The following PDE4D variants were observed in gnomAD, a reference collection of about 807,000 sequenced individuals.
PDE4D encodes 3',5'-cyclic-AMP phosphodiesterase 4D.
Under a neutral mutation model 87.4 loss-of-function variants are expected in PDE4D, and 24 were observed. The observed-to-expected ratio is 0.27, with a 90% CI of 0.20 to 0.39. The LOEUF is 0.39. PDE4D is among the 10% of genes least tolerant of loss of function. The probability of loss-of-function intolerance (pLI) is 1.00; values close to 1 mark genes in which losing one functional copy is unlikely to be tolerated. For missense variants in PDE4D, 714 were observed against 1,041.0 expected, an observed-to-expected ratio of 0.69 and a Z score of 4.32; for synonymous variants, 384 against 383.2, an observed-to-expected ratio of 1.00 and a Z score of -0.02.
intron 1 of PDE4D, among the ~76,000 whole-genome samples, chr5:60,283,256 C>G (rs1416069181): frequency 6.6e-6 from 1 of 152,046 alleles, no homozygotes. Flanking sequence ...TATTGCCCAT[C>G]TTTTGTCTTA....
chr5:59,550,739 C>T (rs1817982053), intron 1 of PDE4D, among the ~76,000 whole-genome samples: 3 of 150,394 alleles, frequency 2.0e-5, no homozygotes. Flanking sequence ...ACTCTGTCGC[C>T]CAGGCTGAAG....
At chr5:59,395,003 C>T (rs1019882734) in intron 1 of PDE4D, among the ~76,000 whole-genome samples, 8 of 152,132 alleles carry the variant, frequency 5.3e-5, no homozygotes, top group Non-Finnish European at 1.0e-4. Flanking sequence ...CACTCCCACC[C>T]GAATACTGCG....
At chr5:60,072,192 G>A (rs2044853099) in intron 2 of PDE4D, among the ~76,000 whole-genome samples, 2 of 152,016 alleles carry the variant, frequency 1.3e-5, no homozygotes, top group Admixed American at 1.3e-4. Flanking sequence ...GTTATTTTCT[G>A]ACTTTTTAAT....
intron 6 of PDE4D, among the ~76,000 whole-genome samples, chr5:59,011,624 G>A (rs918025880): frequency 4.6e-5 from 7 of 152,142 alleles, no homozygotes; most frequent in African/African-American, 1.7e-4. Flanking sequence ...AAAAATAAAT[G>A]AACAAAGCCT....
rs66814905 is a variant in PDE4D at position 60,092,050 on chromosome 5, C to CAAA, written c.42+93504_42+93506dup. Among the ~76,000 whole-genome samples the CAAA allele has an allele frequency of 4.5e-4, 25 of 55,996 alleles. 1 individual carries two copies. The highest frequency in any genetic ancestry group is 5.5e-4 in the Non-Finnish European group (17 of 31,006). 36.7% of individuals were successfully genotyped at this position (55,996 alleles called of 152,430 possible). ...TGGGCGACAGAGCGAAACTCCGTCTCAAAAAAAAAAAAAAAAAAAAAAAAA... is the reference window on the plus strand; with the variant it reads ...TGGGCGACAGAGCGAAACTCCGTCTCAAAAAAAAAAAAAAAAAAAAAAAAAAAA... On this transcript the variant is annotated intron_variant, in intron 2 of 16. Transcript: ENST00000502484.
chr5:60,520,790 A>G (rs1480958320), intron 1 of PDE4D, among the ~76,000 whole-genome samples: 1 of 152,170 alleles, frequency 6.6e-6, no homozygotes, highest in East Asian at 1.9e-4. Flanking sequence ...TCCCATCAGG[A>G]AAGTCTGGTT....
intron 1 of PDE4D, among the ~76,000 whole-genome samples, chr5:59,317,893 G>C (rs181479396): frequency 6.6e-6 from 1 of 152,114 alleles, no homozygotes; most frequent in South Asian, 2.1e-4. Context: ...CCTCTGTTAC[G>C]ATGGTTGACT....
At chr5:59,143,719 T>C (rs1376788642) in intron 5 of PDE4D, among the ~76,000 whole-genome samples, 1 of 152,212 alleles carries the variant, frequency 6.6e-6, no homozygotes, top group Non-Finnish European at 1.5e-5. Flanking sequence ...CTAAGAAAAT[T>C]AGTGTTCAGG....
chr5:59,366,424 A>T (rs914201318), intron 1 of PDE4D, among the ~76,000 whole-genome samples: 4 of 152,228 alleles, frequency 2.6e-5, no homozygotes, highest in Admixed American at 6.5e-5. Context: ...ATTATGAGTT[A>T]TCCAAATCAA....
chr5:59,202,588 C>T (rs531653595), intron 2 of PDE4D, among the ~76,000 whole-genome samples: 60 of 151,986 alleles, frequency 3.9e-4, no homozygotes, highest in South Asian at 2.9e-3. Context: ...ATTTTAACTC[C>T]GACAACTTCC....
chr5:60,098,885 T>G (rs1004808262), intron 2 of PDE4D, among the ~76,000 whole-genome samples: 1 of 151,986 alleles, frequency 6.6e-6, no homozygotes, highest in Non-Finnish European at 1.5e-5. Flanking sequence ...ACAACATGAG[T>G]ATGATGTTAG....
intron 2 of PDE4D, among the ~76,000 whole-genome samples, chr5:60,127,429 T>C (rs915623551): frequency 6.6e-6 from 1 of 152,048 alleles, no homozygotes; most frequent in African/African-American, 2.4e-5. Context: ...CAAGAGCAGA[T>C]GCCAGGAAAT....
chr5:59,104,958 C>T (rs1196009984), intron 5 of PDE4D, among the ~76,000 whole-genome samples: 1 of 152,194 alleles, frequency 6.6e-6, no homozygotes, highest in Non-Finnish European at 1.5e-5. Flanking sequence ...ATTTTGTACA[C>T]CCAAATTACA....
intron 5 of PDE4D, among the ~76,000 whole-genome samples, chr5:59,086,857 C>A (rs773338188): frequency 1.3e-5 from 2 of 152,118 alleles, no homozygotes; most frequent in Non-Finnish European, 2.9e-5. Flanking sequence ...TTCATCTGAA[C>A]TCCCTTAGTT....
chr5:59,802,318 T>C (rs1011994203), intron 1 of PDE4D, among the ~76,000 whole-genome samples: 1 of 152,108 alleles, frequency 6.6e-6, no homozygotes, highest in Admixed American at 6.6e-5. Flanking sequence ...AATACATACT[T>C]TGAAGCAGGA....
intron 1 of PDE4D, among the ~76,000 whole-genome samples, chr5:60,305,035 C>CTA (rs200652041): frequency 0.036 from 3,999 of 111,538 alleles, 155 homozygotes; most frequent in African/African-American, 0.12. Context: ...TAGTTTTGAG[C>CTA]TATACACACA....
intron 5 of PDE4D, among the ~76,000 whole-genome samples, chr5:59,155,745 A>G (rs1042690256): frequency 6.6e-6 from 1 of 152,146 alleles, no homozygotes; most frequent in Admixed American, 6.5e-5. Context: ...AGAGAGGATC[A>G]AGGGCCCAGA....
At chr5:59,164,692 G>A (rs915739581) in intron 5 of PDE4D, among the ~76,000 whole-genome samples, 3 of 151,984 alleles carry the variant, frequency 2.0e-5, no homozygotes, top group African/African-American at 7.3e-5. Flanking sequence ...TTCTAAGAGC[G>A]CCTATACTTT....
chr5:59,692,245 A>G (rs1483333392), intron 1 of PDE4D, among the ~76,000 whole-genome samples: 1 of 152,126 alleles, frequency 6.6e-6, no homozygotes, highest in Non-Finnish European at 1.5e-5. Flanking sequence ...TTAAAGAGAG[A>G]GCTCTTGGTC....
Sources: gnomAD v4.1 joint callset for allele counts (sites outside exome capture counted in the v4.1 genomes callset) on GRCh38, gnomAD v4.1.1 for gene constraint, MANE v1.5 for transcripts, NCBI Gene and HGNC (gene_info 2026-07-23, HGNC 2026-07-21) for gene names.